NUMB: variants seen among roughly 807,000 people sequenced by gnomAD.
NUMB encodes NUMB endocytic adaptor protein, also known as protein numb homolog.
Under a neutral mutation model 59.7 loss-of-function variants are expected in NUMB, and 29 were observed. The ratio of observed to expected loss-of-function variants is 0.49; its 90% confidence interval spans 0.36 to 0.66. The LOEUF is 0.66. NUMB is among the 30% of genes least tolerant of loss of function. The pLI is 0.00. For synonymous variants in NUMB, 288 were observed against 288.2 expected (o/e 1.00, Z 0.01); for missense variants, 723 against 822.0 (o/e 0.88, Z 1.47).
chr14:73,285,309 T>G (rs1888914867), intron 9 of NUMB: 1 of 152,216 alleles, frequency 6.6e-6, no homozygotes, highest in South Asian at 2.1e-4. Context: ...CACAATCCTT[T>G]GTAGATCTTG....
chr14:73,370,790 A>C (rs1894635370), intron 2 of NUMB, among the ~76,000 whole-genome samples: 1 of 152,226 alleles, frequency 6.6e-6, no homozygotes. Context: ...TACTTTCTTT[A>C]AATAATTTTT....
intron 2 of NUMB, among the ~76,000 whole-genome samples, chr14:73,396,746 G>A (rs1896158073): frequency 1.3e-5 from 2 of 152,106 alleles, no homozygotes; most frequent in Admixed American, 1.3e-4. Flanking sequence ...AGAATCATCA[G>A]ACCAATCAGA....
At chr14:73,453,791 T>G (rs1231941135) in intron 1 of NUMB, among the ~76,000 whole-genome samples, 1 of 151,860 alleles carries the variant, frequency 6.6e-6, no homozygotes, top group Admixed American at 6.6e-5. Context: ...GTGTTTTTAG[T>G]AGAGATGGGG....
intron 10 of NUMB, 47 bp from the exon 11 acceptor site, chr14:73,282,552 C>A (rs1318500398): frequency 6.3e-7 from 1 of 1,593,688 alleles, no homozygotes; most frequent in Non-Finnish European, 8.6e-7. Flanking sequence ...ATGGAATAAT[C>A]CTGAAATTTG....
intron 6 of NUMB, among the ~76,000 whole-genome samples, chr14:73,312,076 T>TA (rs1314693659): frequency 1.3e-5 from 2 of 151,682 alleles, no homozygotes; most frequent in African/African-American, 2.4e-5. Flanking sequence ...CACCATGACA[T>TA]AAAAAAAAAT....
chr14:73,333,888 G>A (rs1418106011), intron 4 of NUMB, among the ~76,000 whole-genome samples: 9 of 148,492 alleles, frequency 6.1e-5, no homozygotes. Flanking sequence ...TTTTTGAGAT[G>A]GAGTCTTGCT....
intron 2 of NUMB, among the ~76,000 whole-genome samples, chr14:73,400,909 C>T (rs1235664562): frequency 6.6e-6 from 1 of 152,124 alleles, no homozygotes; most frequent in Non-Finnish European, 1.5e-5. Flanking sequence ...TATGATAACC[C>T]AATAAATGTA....
intron 6 of NUMB, among the ~76,000 whole-genome samples, chr14:73,314,580 C>T (rs528058681): frequency 3.4e-4 from 51 of 152,216 alleles, no homozygotes; most frequent in Admixed American, 9.2e-4. Flanking sequence ...GAGCTTTGTT[C>T]CTTAACCCAC....
chr14:73,345,451 A>G (rs770448166), intron 4 of NUMB, among the ~76,000 whole-genome samples: 7 of 152,208 alleles, frequency 4.6e-5, no homozygotes, highest in Non-Finnish European at 8.8e-5. Context: ...CAATTTACCC[A>G]TGTAACAAAC....
chr14:73,320,692 T>C (rs559438876), intron 5 of NUMB, among the ~76,000 whole-genome samples: 56 of 152,338 alleles, frequency 3.7e-4, no homozygotes, highest in African/African-American at 1.3e-3. Flanking sequence ...GTATTCTGTA[T>C]ATTCATTCTA....
chr14:73,389,272 C>CAAAAAAAAAAAAAAAAAAAAAA (rs869074049), intron 2 of NUMB, among the ~76,000 whole-genome samples: 3 of 66,474 alleles, frequency 4.5e-5, no homozygotes, highest in African/African-American at 1.8e-4. Context: ...CTCCATCTCT[C>CAAAAAAAAAAAAAAAAAAAAAA]AAAAAAAAAA....
intron 1 of NUMB, 137 bp from the exon 2 acceptor site, chr14:73,410,205 A>G (rs1221332820): frequency 6.6e-6 from 1 of 152,264 alleles, no homozygotes; most frequent in Non-Finnish European, 1.5e-5. Context: ...TTCACTAAAA[A>G]TAGAGTTGGC....
intron 5 of NUMB, 83 bp from the exon 6 acceptor site, chr14:73,316,505 A>C (rs1022371104): frequency 7.6e-7 from 1 of 1,322,018 alleles, no homozygotes; most frequent in Non-Finnish European, 1.1e-6. Context: ...GCACATACAG[A>C]AATTGGGGAA....
chr14:73,435,278 T>G (rs1208867325), intron 1 of NUMB, among the ~76,000 whole-genome samples: 5 of 147,864 alleles, frequency 3.4e-5, no homozygotes, highest in Non-Finnish European at 7.5e-5. Context: ...TTACTTTTTT[T>G]TTTTTTTTTT....
At chr14:73,355,532 A>G in intron 4 of NUMB, 94 bp downstream of exon 4, 1 of 1,109,622 alleles carries the variant, frequency 9.0e-7, no homozygotes, top group Admixed American at 2.9e-5. Context: ...GTTTTTTGGA[A>G]GACTCTCTTA....
intron 7 of NUMB, among the ~76,000 whole-genome samples, chr14:73,294,126 T>C (rs1256869028): frequency 6.6e-6 from 1 of 152,220 alleles, no homozygotes; most frequent in East Asian, 1.9e-4. Flanking sequence ...GGAAGTGTCA[T>C]ATTTTTGGTT....
intron 11 of NUMB, chr14:73,282,136 A>G: frequency 2.2e-6 from 1 of 460,830 alleles, no homozygotes; most frequent in Non-Finnish European, 3.8e-6. Context: ...ATGGGGTGAA[A>G]GATGGGCACA....
At chr14:73,330,262 G>C (rs1354420785) in intron 4 of NUMB, among the ~76,000 whole-genome samples, 1 of 152,000 alleles carries the variant, frequency 6.6e-6, no homozygotes, top group Non-Finnish European at 1.5e-5. Flanking sequence ...AAACTCCTGA[G>C]CTCAAGCATT....
intron 2 of NUMB, among the ~76,000 whole-genome samples, chr14:73,390,857 C>G (rs1035247353): frequency 1.3e-5 from 2 of 151,644 alleles, no homozygotes; most frequent in Non-Finnish European, 2.9e-5. Flanking sequence ...CCATGTTAGT[C>G]AAGCTGGTCT....
Sources: gnomAD v4.1 joint callset for allele counts (sites outside exome capture counted in the v4.1 genomes callset) on GRCh38, gnomAD v4.1.1 for gene constraint, MANE v1.5 for transcripts, NCBI Gene and HGNC (gene_info 2026-07-23, HGNC 2026-07-21) for gene names.